The following RUNX1T1 variants were observed in gnomAD, a reference collection of about 807,000 sequenced individuals.
RUNX1T1 encodes the protein protein CBFA2T1.
RUNX1T1 carries 4 observed loss-of-function variants against 62.8 expected under a neutral mutation model. The ratio of observed to expected loss-of-function variants is 0.06; its 90% confidence interval spans 0.03 to 0.15. The LOEUF (loss-of-function observed/expected upper bound fraction) is 0.15. RUNX1T1 is among the 10% of genes least tolerant of loss of function. The probability of loss-of-function intolerance (pLI) is 1.00; values close to 1 mark genes in which losing one functional copy is unlikely to be tolerated. For missense variants in RUNX1T1, 508 were observed against 754.3 expected (o/e 0.67, Z 3.82); for synonymous variants, 291 against 286.0 (o/e 1.02, Z -0.18).
At chr8:92,076,386 C>G (rs1834422875) in intron 1 of RUNX1T1, among the ~76,000 whole-genome samples, 1 of 152,144 alleles carries the variant, frequency 6.6e-6, no homozygotes, top group Non-Finnish European at 1.5e-5. Flanking sequence ...CATTCTCACC[C>G]TGAAAGCTCT....
At chr8:91,964,799 A>G (rs1811232326) in intron 10 of RUNX1T1, among the ~76,000 whole-genome samples, 1 of 152,184 alleles carries the variant, frequency 6.6e-6, no homozygotes, top group Admixed American at 6.5e-5. Flanking sequence ...ATTGAACCAT[A>G]AAGTCAGAGG....
intron 1 of RUNX1T1, among the ~76,000 whole-genome samples, chr8:92,054,966 C>T (rs1326085782): frequency 6.6e-6 from 1 of 152,092 alleles, no homozygotes; most frequent in Non-Finnish European, 1.5e-5. Flanking sequence ...GATTGCGCCA[C>T]TGCACTCCAG....
At chr8:92,062,602 C>A (rs1018164652) in exon 1 of RUNX1T1, 2 of 1,614,028 alleles carry the variant, frequency 1.2e-6, no homozygotes, top group Non-Finnish European at 1.7e-6. Context: ...TAAAAGCAAG[C>A]GCGTTCCGGG....
intron 1 of RUNX1T1, among the ~76,000 whole-genome samples, chr8:92,030,886 G>T (rs1359698327): frequency 6.6e-6 from 1 of 152,134 alleles, no homozygotes; most frequent in African/African-American, 2.4e-5. Flanking sequence ...AACAAATTCT[G>T]CCAGGTGTCC....
intron 1 of RUNX1T1, among the ~76,000 whole-genome samples, chr8:92,036,034 AC>A (rs1200062106): frequency 1.3e-5 from 2 of 152,200 alleles, no homozygotes; most frequent in African/African-American, 4.8e-5. Flanking sequence ...TTCTATTTAT[AC>A]TGTAAATATG....
At position 92,091,372 on chromosome 8, in the gene RUNX1T1, G is replaced by A. The variant is rs181362959; in HGVS notation, c.-86+8208C>T. On this transcript the variant is annotated intron_variant, in intron 1 of 11. Transcript: ENST00000265814. ...GTCCTTGAAAATATTAGTAGTTGTAGGCAACATTGACAGTTTTAAGCTCTT... is the reference window on the plus strand; with the variant it reads ...GTCCTTGAAAATATTAGTAGTTGTAAGCAACATTGACAGTTTTAAGCTCTT... 9.9e-5 allele frequency among the ~76,000 whole-genome samples: 15 copies of A among 152,268 alleles called. No homozygotes were observed. The East Asian group carries it at 1.9e-3, about 20-fold the overall frequency.
chr8:91,979,716 T>C (rs1363505023), intron 8 of RUNX1T1: 13 of 384,454 alleles, frequency 3.4e-5, no homozygotes, highest in Non-Finnish European at 6.7e-5. Context: ...GTAAGAAATG[T>C]GAAAGAACAG....
At chr8:92,076,673 T>C (rs191384080) in intron 1 of RUNX1T1, among the ~76,000 whole-genome samples, 1 of 152,242 alleles carries the variant, frequency 6.6e-6, no homozygotes, top group Non-Finnish European at 1.5e-5. Context: ...ATAATCCTTA[T>C]GTAATAGAAT....
chr8:91,960,278 C>T (rs544949324), exon 11 of RUNX1T1: 14 of 1,609,502 alleles, frequency 8.7e-6, no homozygotes, highest in Admixed American at 8.4e-5. Context: ...AAGGGGTTCC[C>T]GGGGTGGTTG....
At chr8:92,102,918 C>T (rs1838107901), upstream of RUNX1T1, 1 of 1,512,836 alleles carries the variant, frequency 6.6e-7, no homozygotes, top group African/African-American at 1.4e-5. The surrounding 1 kb of genome is among the most constrained non-coding windows in gnomAD (Gnocchi z 4.5). Context: ...ATAAAACTTC[C>T]CGTCGTCTCG....
intron 4 of RUNX1T1, among the ~76,000 whole-genome samples, chr8:92,009,261 A>G (rs1009531580): frequency 4.6e-5 from 7 of 152,220 alleles, no homozygotes; most frequent in Non-Finnish European, 1.0e-4. Flanking sequence ...ATGTTTCTCC[A>G]TAAATGCAAA....
At chr8:92,012,859 C>T (rs1431201670) in intron 3 of RUNX1T1, among the ~76,000 whole-genome samples, 1 of 152,096 alleles carries the variant, frequency 6.6e-6, no homozygotes, top group Non-Finnish European at 1.5e-5. Context: ...ATATTTACTG[C>T]CTATTATATG....
intron 1 of RUNX1T1, chr8:92,017,743 A>T: frequency 1.4e-6 from 1 of 724,788 alleles, no homozygotes; most frequent in African/African-American, 1.9e-5. Flanking sequence ...CTCAGAAATA[A>T]CAAAAACCTG....
At chr8:91,964,367 T>C (rs1409209632) in intron 10 of RUNX1T1, among the ~76,000 whole-genome samples, 4 of 152,206 alleles carry the variant, frequency 2.6e-5, no homozygotes, top group Non-Finnish European at 4.4e-5. Flanking sequence ...TACATATCTA[T>C]AATTCTTCAG....
chr8:92,088,037 C>G (rs191803638), intron 1 of RUNX1T1, among the ~76,000 whole-genome samples: 1 of 152,148 alleles, frequency 6.6e-6, no homozygotes, highest in Non-Finnish European at 1.5e-5. Flanking sequence ...AGGTCAAATG[C>G]GGAACTCATT....
intron 1 of RUNX1T1, among the ~76,000 whole-genome samples, chr8:92,032,588 G>A (rs780517187): frequency 1.1e-4 from 17 of 152,110 alleles, no homozygotes; most frequent in Admixed American, 7.9e-4. Flanking sequence ...ATTGGTATAC[G>A]GGCAACAATG....
intron 5 of RUNX1T1, among the ~76,000 whole-genome samples, chr8:91,993,057 G>A (rs1817983832): frequency 6.6e-6 from 1 of 152,146 alleles, no homozygotes; most frequent in Non-Finnish European, 1.5e-5. Context: ...TAGACAGGTG[G>A]TAACATCTAT....
chr8:92,057,677 T>C (rs1394306570), intron 1 of RUNX1T1, among the ~76,000 whole-genome samples: 1 of 152,162 alleles, frequency 6.6e-6, no homozygotes, highest in Non-Finnish European at 1.5e-5. Context: ...TCTCAGAAAG[T>C]ACATTTACAT....
At chr8:92,044,064 A>C (rs1414597656) in intron 1 of RUNX1T1, among the ~76,000 whole-genome samples, 1 of 151,892 alleles carries the variant, frequency 6.6e-6, no homozygotes, top group Non-Finnish European at 1.5e-5. Flanking sequence ...GGTTTATCTT[A>C]CTATCCATGA....
Sources: gnomAD v4.1 joint callset for allele counts (sites outside exome capture counted in the v4.1 genomes callset) on GRCh38, gnomAD v4.1.1 for gene constraint, Gnocchi (gnomAD v3.1) non-coding constraint, MANE v1.5 for transcripts, NCBI Gene and HGNC (gene_info 2026-07-23, HGNC 2026-07-21) for gene names.